CFAP46: variants seen among roughly 807,000 people sequenced by gnomAD.
The protein encoded by CFAP46 is cilia and flagella associated protein 46.
A neutral mutation model predicts 325.7 loss-of-function variants in CFAP46; 245 were observed. That is an observed-to-expected ratio of 0.75 (90% CI 0.68 to 0.84). The LOEUF (loss-of-function observed/expected upper bound fraction) is 0.84. CFAP46 is among the 40% of genes least tolerant of loss of function. The pLI is 0.00. For synonymous variants in CFAP46, 1,523 were observed against 1,495.9 expected (o/e 1.02, Z -0.42); for missense variants, 3,346 against 3,543.0 (o/e 0.94, Z 1.41).
chr10:132,810,531 G>A (rs772804904), intron 56 of CFAP46, 42 bp from the exon 57 acceptor site: 2 of 1,567,612 alleles, frequency 1.3e-6, no homozygotes, highest in South Asian at 1.1e-5. Context: ...GGACACCCTG[G>A]CAGCCTTGCT....
At chr10:132,872,389 G>A (rs933784599) in intron 32 of CFAP46, 17 of 390,474 alleles carry the variant, frequency 4.4e-5, no homozygotes, top group South Asian at 1.9e-4. Context: ...GAGTAGTTGC[G>A]ACAACAGGTG....
intron 28 of CFAP46, 82 bp downstream of exon 28, chr10:132,880,779 A>G: frequency 1.4e-6 from 2 of 1,468,286 alleles, no homozygotes; most frequent in East Asian, 2.5e-5. Context: ...TGGATACCCA[A>G]CGGCGGTCCA....
chr10:132,891,337 C>A (rs1849251351), intron 25 of CFAP46, among the ~76,000 whole-genome samples: 1 of 152,238 alleles, frequency 6.6e-6, no homozygotes, highest in African/African-American at 2.4e-5. Flanking sequence ...TGGTAGGGGG[C>A]AAGGGTGGAC....
chr10:132,885,400 G>A (rs916480654), intron 26 of CFAP46, 114 bp from the exon 27 acceptor site: 2 of 1,101,464 alleles, frequency 1.8e-6, no homozygotes, highest in Non-Finnish European at 2.5e-6. Context: ...ACGAAGCAAA[G>A]CAGAGCCCAG....
chr10:132,824,998 C>G (rs1848012672), intron 50 of CFAP46, among the ~76,000 whole-genome samples: 1 of 117,726 alleles, frequency 8.5e-6, no homozygotes, highest in Non-Finnish European at 1.7e-5. Flanking sequence ...GCTGTGTGTG[C>G]TGATGTGTGC....
chr10:132,887,876 TCTCTC>T lies in CFAP46; in HGVS notation c.3305-1922_3305-1918del, dbSNP rs139808494. On this transcript the variant is annotated intron_variant, in intron 25 of 57. Coordinates refer to ENST00000368586, the MANE Select transcript of CFAP46 (RefSeq NM_001200049.3). ...TCCCCTTCTCTCCTCTCCCTTCTTC[TCTCTC>T]CTCTCCTCTCTCCTCTTCTCTCCTC... Among the ~76,000 whole-genome samples the T allele has an allele frequency of 7.6e-3, 654 of 85,498 alleles. 11 individuals are homozygous for T. The highest frequency in any genetic ancestry group is 0.012 in the Non-Finnish European group (508 of 44,166). The allele number at this position is 85,498 out of a possible 152,430, so 56.1% of individuals were successfully genotyped here.
intron 46 of CFAP46, among the ~76,000 whole-genome samples, chr10:132,835,865 C>G (rs1232180045): frequency 1.5e-5 from 2 of 136,624 alleles, no homozygotes; most frequent in East Asian, 2.2e-4. Context: ...CCCGAAACCA[C>G]TCCCCTCCCG....
chr10:132,882,699 C>T (rs1035840084), intron 27 of CFAP46, among the ~76,000 whole-genome samples: 18 of 151,932 alleles, frequency 1.2e-4, no homozygotes, highest in Non-Finnish European at 2.5e-4. Context: ...AGGTCCTGCC[C>T]TTAGCCCGGG....
intron 50 of CFAP46, among the ~76,000 whole-genome samples, chr10:132,821,744 C>A (rs1020870936): frequency 8.4e-6 from 1 of 118,618 alleles, no homozygotes; most frequent in African/African-American, 3.4e-5. Flanking sequence ...TGTGTGTGCG[C>A]TGATGTGTGC....
rs1452587427 is a variant in CFAP46 at position 132,869,172 on chromosome 10, GC to G, written c.4610+101del. 1.1e-6 allele frequency: 1 copy of G among 926,182 alleles called. No homozygotes were observed. The allele number at this position is 926,182 out of a possible 1,614,324, so 57.4% of individuals were successfully genotyped here. A position where few individuals can be genotyped will look rare whatever the true frequency, so the allele number is the denominator to read the frequency against. On this transcript the variant is annotated intron_variant, in intron 33 of 57. Transcript: ENST00000368586. The surrounding 1 kb of genome is among the most constrained non-coding windows in gnomAD (Gnocchi z 6.2). ...CCAAGTGCTCACTCTCCCCAGAGGG[GC>G]AGGAGTCCAGGGAAGAGGGTGGCCG...
At chr10:132,809,810 C>T (rs1847541681) in intron 57 of CFAP46, among the ~76,000 whole-genome samples, 2 of 152,180 alleles carry the variant, frequency 1.3e-5, no homozygotes, top group Non-Finnish European at 2.9e-5. Flanking sequence ...ATGTCCCGTG[C>T]CCCTTCCCGA....
intron 35 of CFAP46, among the ~76,000 whole-genome samples, chr10:132,863,250 G>C (rs1343683710): frequency 6.6e-6 from 1 of 152,078 alleles, no homozygotes; most frequent in Non-Finnish European, 1.5e-5. Context: ...ACTGCCTCCC[G>C]ACCCCGGGGT....
rs1358804567 is a variant in CFAP46 at position 132,817,591 on chromosome 10, T to G, written c.7118-2677A>C. On this transcript the variant is annotated intron_variant, in intron 50 of 57. Transcript: ENST00000368586. The surrounding 1 kb of genome is among the most constrained non-coding windows in gnomAD (Gnocchi z 4.4). ...CATTCATTCTTCCTTCTCTATTTGT[T>G]GGGAGTTTGCACACCGACTCTCTGG... 6.6e-6 allele frequency among the ~76,000 whole-genome samples: 1 copy of G among 152,162 alleles called. No individual in the cohort carries two copies. The highest frequency in any genetic ancestry group is 2.4e-5 in the African/African-American group (1 of 41,438).
chr10:132,819,816 T>C (rs1210494149), intron 50 of CFAP46, among the ~76,000 whole-genome samples: 1 of 152,206 alleles, frequency 6.6e-6, no homozygotes, highest in East Asian at 1.9e-4. Flanking sequence ...TAAAAGCTCC[T>C]TGACTGGGTC....
In CFAP46 at chr10:132,817,382, G is replaced by C. The variant is rs1464157848; in HGVS notation, c.7118-2468C>G. Among the ~76,000 whole-genome samples, 1 of 152,186 alleles carries C rather than the reference G, an allele frequency of 6.6e-6. No individual in the cohort carries two copies. The highest frequency in any genetic ancestry group is 1.5e-5 in the Non-Finnish European group (1 of 68,034). ...GCTTCCTGCAAAGGGCATGCGGCTG[G>C]CACCTCTTATCTCCTGTGTCTTCTC... On this transcript the variant is annotated intron_variant, in intron 50 of 57. Transcript: ENST00000368586. The surrounding 1 kb of genome is among the most constrained non-coding windows in gnomAD (Gnocchi z 4.4).
At position 132,814,625 on chromosome 10, in the gene CFAP46, C is replaced by G. The variant is rs767764667; in HGVS notation, c.7250-13G>C. The G allele has an allele frequency of 1.9e-6, 3 of 1,578,590 alleles. No homozygotes were observed. Among genetic ancestry groups the G allele is most frequent in the South Asian group, 2.3e-5 (2 of 86,910 alleles). The stretch of plus-strand genomic sequence containing the variant: ...GGGTCCACGACGACTGGGTCCCGGT[C>G]AAGGAGAAACGGGAGCACAGGGCGG... On this transcript the variant is annotated splice_polypyrimidine_tract_variant and intron_variant, in intron 52 of 57. Coordinates refer to ENST00000368586, the MANE Select transcript of CFAP46 (RefSeq NM_001200049.3).
intron 20 of CFAP46, among the ~76,000 whole-genome samples, chr10:132,909,712 C>T (rs1021136276): frequency 2.6e-5 from 4 of 152,234 alleles, no homozygotes; most frequent in Non-Finnish European, 2.9e-5. Flanking sequence ...TCACAGACCC[C>T]GTGGACGGGT....
chr10:132,823,078 T>TGCTGTGA (rs1229675058), intron 50 of CFAP46, among the ~76,000 whole-genome samples: 2 of 145,168 alleles, frequency 1.4e-5, no homozygotes, highest in Non-Finnish European at 3.0e-5. Context: ...GTGTGCTGTG[T>TGCTGTGA]GTGCTGATGT....
intron 44 of CFAP46, among the ~76,000 whole-genome samples, chr10:132,839,266 G>T (rs749584201): frequency 2.1e-4 from 32 of 152,208 alleles, no homozygotes; most frequent in Non-Finnish European, 4.0e-4. Context: ...CGTGGCCACA[G>T]GGGGGTGGCG....
Sources: allele counts gnomAD v4.1 joint callset (sites outside exome capture counted in the v4.1 genomes callset), GRCh38; gene constraint gnomAD v4.1.1; non-coding constraint Gnocchi (gnomAD v3.1); transcripts MANE v1.5; gene names NCBI Gene and HGNC (gene_info 2026-07-23, HGNC 2026-07-21).